IL15RA: variants seen among roughly 807,000 people sequenced by gnomAD.
IL15RA encodes the protein interleukin-15 receptor subunit alpha.
A neutral mutation model predicts 24.2 loss-of-function variants in IL15RA; 26 were observed. The observed-to-expected ratio is 1.07, with a 90% CI of 0.79 to 1.49. IL15RA has a LOEUF of 1.49. Ranked by LOEUF, IL15RA falls within the 40% of genes most tolerant of loss-of-function variation. The pLI is 0.00. For missense variants in IL15RA, 354 were observed against 356.4 expected (o/e 0.99, Z 0.05); for synonymous variants, 166 against 157.6 (o/e 1.05, Z -0.40).
rs984170957 is a variant in IL15RA, at chr10:5,958,941, C to G, written c.616+813G>C. 3.3e-5 allele frequency among the ~76,000 whole-genome samples: 5 copies of G among 152,224 alleles called. No homozygotes were observed. Among genetic ancestry groups the G allele is most frequent in the African/African-American group, 9.6e-5 (4 of 41,536 alleles). ...TCTTCTCATTACCTGCGTTCTTCCT[C>G]CCTGCCTGCTTCCCTTCTTCCTCCT... On this transcript the variant is annotated intron_variant, in intron 5 of 6. Transcript: ENST00000379977. This position sits in a 1 kb window ranked among gnomAD's most constrained non-coding sequence, Gnocchi z 4.3.
rs111336529 is a variant in IL15RA, at chr10:5,965,426, G to A, written c.283+719C>T. Among the ~76,000 whole-genome samples, 70 of 152,342 alleles carry A rather than the reference G, an allele frequency of 4.6e-4. No homozygotes were observed. Among genetic ancestry groups the A allele is most frequent in the African/African-American group, 1.7e-3 (69 of 41,580 alleles). On this transcript the variant is annotated intron_variant, in intron 2 of 6. Transcript: ENST00000379977. The surrounding 1 kb of genome is among the most constrained non-coding windows in gnomAD (Gnocchi z 5.8). ...TTCTCACACTAGCGTGCTCATGAGTGCCCGCCCAGCTCTGCAGCCAAATTC... is the reference window on the plus strand; with the variant it reads ...TTCTCACACTAGCGTGCTCATGAGTACCCGCCCAGCTCTGCAGCCAAATTC...
At position 5,964,050 on chromosome 10, in the gene IL15RA, G is replaced by T. The variant is rs1475434454; in HGVS notation, c.284-209C>A. Among the ~76,000 whole-genome samples the T allele has an allele frequency of 6.6e-6, 1 of 152,190 alleles. No individual in the cohort carries two copies. The highest frequency in any genetic ancestry group is 1.5e-5 in the Non-Finnish European group (1 of 68,036). ...ACTATTTTTCTTGCATTTCCAAAAA[G>T]ACTGCACAAGTTAAATATCAAATTT... On this transcript the variant is annotated intron_variant, in intron 2 of 6. Coordinates refer to ENST00000379977, the MANE Select transcript of IL15RA (RefSeq NM_002189.4). This position sits in a 1 kb window ranked among gnomAD's most constrained non-coding sequence, Gnocchi z 5.6.
rs1242664521 is a variant in IL15RA at position 5,963,673 on chromosome 10, A to G, written c.382+70T>C. The G allele has an allele frequency of 5.4e-6, 5 of 925,298 alleles. No individual in the cohort carries two copies. Among genetic ancestry groups the G allele is most frequent in the East Asian group, 6.2e-5 (2 of 32,360 alleles). 57.3% of individuals were successfully genotyped at this position (925,298 alleles called of 1,614,324 possible). A position where few individuals can be genotyped will look rare whatever the true frequency, so the allele number is the denominator to read the frequency against. On this transcript the variant is annotated intron_variant, in intron 3 of 6. Transcript: ENST00000379977. The surrounding 1 kb of genome is among the most constrained non-coding windows in gnomAD (Gnocchi z 5.3). ...ACACCACAGAGGTCCGTGAGTCTGC[A>G]GGATTGGTGAGCGGGCCTCTGGGTG...
Position 5,952,726 on chromosome 10 carries a change from A to ACAT in IL15RA, c.*368_*369insATG, listed in dbSNP as rs1833986626. ...TTTGGGTATGTCACTTTTCTCTGTGAACTGAAAGTTAGGATGAGGGACGGA... is the reference window on the plus strand; with the variant it reads ...TTTGGGTATGTCACTTTTCTCTGTGACATACTGAAAGTTAGGATGAGGGACGGA... On this transcript the variant is annotated 3_prime_UTR_variant, in exon 7 of 7. Coordinates refer to ENST00000379977, the MANE Select transcript of IL15RA (RefSeq NM_002189.4). The ACAT allele has an allele frequency of 3.7e-6, 1 of 267,220 alleles. No homozygotes were observed. Among genetic ancestry groups the ACAT allele is most frequent in the Non-Finnish European group, 7.1e-6 (1 of 140,542 alleles). The allele number at this position is 267,220 out of a possible 1,614,324, so 16.6% of individuals were successfully genotyped here.
rs1381659962 is a variant in IL15RA, at chr10:5,955,348, C to T, written c.692+1031G>A. Among the ~76,000 whole-genome samples, 1 of 152,142 alleles carries T rather than the reference C, an allele frequency of 6.6e-6. No homozygotes were observed. Among genetic ancestry groups the T allele is most frequent in the African/African-American group, 2.4e-5 (1 of 41,414 alleles). On this transcript the variant is annotated intron_variant, in intron 6 of 6. Transcript: ENST00000379977. The surrounding 1 kb of genome is among the most constrained non-coding windows in gnomAD (Gnocchi z 5.3). ...TCCTGACCTCACGCGATCTGCCTGCCTTGGCCTCCCGAAGTGCTGGGATTA... is the reference window on the plus strand; with the variant it reads ...TCCTGACCTCACGCGATCTGCCTGCTTTGGCCTCCCGAAGTGCTGGGATTA...
rs376917358 is a variant in IL15RA at position 5,953,423 on chromosome 10, C to A, written c.693-217G>T. 1.7e-5 allele frequency: 12 copies of A among 697,858 alleles called. No individual in the cohort carries two copies. In the East Asian group the frequency reaches 3.0e-4, roughly 17 times the overall value. The allele number at this position is 697,858 out of a possible 1,614,324, so 43.2% of individuals were successfully genotyped here. A position where few individuals can be genotyped will look rare whatever the true frequency, so the allele number is the denominator to read the frequency against. ...GAGTGTATTAAATCCTATCTAGGGG[C>A]CAGGTGTGGTGGCGCATGCCTGTAA... On this transcript the variant is annotated intron_variant, in intron 6 of 6. Transcript: ENST00000379977. The surrounding 1 kb of genome is among the most constrained non-coding windows in gnomAD (Gnocchi z 5.3).
rs547978995 is a variant in IL15RA at position 5,952,991 on chromosome 10, G to A, written c.*104C>T. 3.4e-5 allele frequency: 29 copies of A among 841,800 alleles called. No homozygotes were observed. In the African/African-American group the frequency reaches 4.1e-4, roughly 12 times the overall value. 52.1% of individuals were successfully genotyped at this position (841,800 alleles called of 1,614,324 possible). ...CTGGGACTTCTGAGAGGCCTGGTGA[G>A]CTTGCTCCTGGAGCCCGCTTCCTTG... On this transcript the variant is annotated 3_prime_UTR_variant, in exon 7 of 7. Transcript: ENST00000379977.
downstream of IL15RA, among the ~76,000 whole-genome samples, chr10:5,951,492 C>CTT (rs1370052019): frequency 6.6e-6 from 1 of 152,124 alleles, no homozygotes; most frequent in Non-Finnish European, 1.5e-5. Context: ...AGGACTGCTC[C>CTT]CCTCCCGCCC....
In IL15RA at chr10:5,960,239, C is replaced by T; in HGVS notation, c.583+128G>A. The T allele has an allele frequency of 1.1e-6, 1 of 886,068 alleles. No individual in the cohort carries two copies. Among genetic ancestry groups the T allele is most frequent in the Non-Finnish European group, 1.8e-6 (1 of 550,388 alleles). The allele number at this position is 886,068 out of a possible 1,614,324, so 54.9% of individuals were successfully genotyped here. On this transcript the variant is annotated intron_variant, in intron 4 of 6. Transcript: ENST00000379977. The surrounding 1 kb of genome is among the most constrained non-coding windows in gnomAD (Gnocchi z 5.1). ...AGGACGCCGTGGCTGGTGGCCGGGG[C>T]CAGCAGGCTGCCCAGTGAATCCTGA... is the stretch of plus-strand genomic sequence containing the variant.
intron 1 of IL15RA, among the ~76,000 whole-genome samples, chr10:5,972,462 C>T (rs760326179): frequency 6.6e-6 from 1 of 152,092 alleles, no homozygotes; most frequent in African/African-American, 2.4e-5. Flanking sequence ...GACAAGCTTT[C>T]GTAAAGTCAT....
chr10:5,956,417 C>T lies in IL15RA; in HGVS notation c.654G>A (p.Leu218=), dbSNP rs372279024. The part of the protein sequence containing the change: ...ISTSTVLLCG[L]SAVSLLACYL... ...AGCATGCCAGGAGAGACACAGCGCT[C>T]AGCCCACACAGCAGGACAGTGGACG... Residue 218 remains leucine, a synonymous_variant, in exon 6 of 7, where the codon CTG becomes CTA. Coordinates refer to ENST00000379977, the MANE Select transcript of IL15RA (RefSeq NM_002189.4). 145 of 1,613,994 alleles carry T rather than the reference C, an allele frequency of 9.0e-5. No individual in the cohort carries two copies. The highest frequency in any genetic ancestry group is 1.1e-4 in the Non-Finnish European group (135 of 1,179,982).
At chr10:5,977,727 C>T, upstream of IL15RA, 3 of 1,080,394 alleles carry the variant, frequency 2.8e-6, no homozygotes, top group Non-Finnish European at 3.5e-6. Flanking sequence ...CACAGCCACC[C>T]CTGTCCCCGG....
chr10:5,963,878 G>A lies in IL15RA; in HGVS notation c.284-37C>T. ...ATAACCACATGGCACTTATGATCCT[G>A]AGCCTGGAACCTGGGCTGGCTTCAG... On this transcript the variant is annotated intron_variant, in intron 2 of 6. Transcript: ENST00000379977. This position sits in a 1 kb window ranked among gnomAD's most constrained non-coding sequence, Gnocchi z 5.3. The A allele has an allele frequency of 7.2e-7, 1 of 1,384,434 alleles. No individual in the cohort carries two copies. Among genetic ancestry groups the A allele is most frequent in the Non-Finnish European group, 9.9e-7 (1 of 1,013,798 alleles). The allele number at this position is 1,384,434 out of a possible 1,614,324, so 85.8% of individuals were successfully genotyped here. A position where few individuals can be genotyped will look rare whatever the true frequency, so the allele number is the denominator to read the frequency against.
At chr10:5,974,929 A>G (rs8177641) in intron 1 of IL15RA, among the ~76,000 whole-genome samples, 47,517 of 151,598 alleles carry the variant, frequency 0.31, 7,675 homozygotes, top group African/African-American at 0.35. Flanking sequence ...AATAAAAATT[A>G]AAAATTAAAC....
intron 1 of IL15RA, among the ~76,000 whole-genome samples, chr10:5,976,263 G>A (rs1312399442): frequency 1.4e-5 from 2 of 144,014 alleles, no homozygotes; most frequent in African/African-American, 5.1e-5. Flanking sequence ...AAGAAGCCTC[G>A]CAGAGCTGGG....
chr10:5,959,630 C>T lies in IL15RA; in HGVS notation c.616+124G>A, dbSNP rs1257293102. ...TAACTTATTATCTGATGGAGGCCTT[C>T]TGAGTGTGGAAGGGGCTGCTGTCAG... On this transcript the variant is annotated intron_variant, in intron 5 of 6. Transcript: ENST00000379977. This position sits in a 1 kb window ranked among gnomAD's most constrained non-coding sequence, Gnocchi z 4.1. 1.3e-6 allele frequency: 1 copy of T among 794,300 alleles called. No individual in the cohort carries two copies. The highest frequency in any genetic ancestry group is 1.7e-5 in the African/African-American group (1 of 58,834). The allele number at this position is 794,300 out of a possible 1,614,324, so 49.2% of individuals were successfully genotyped here. A position where few individuals can be genotyped will look rare whatever the true frequency, so the allele number is the denominator to read the frequency against.
In IL15RA at chr10:5,952,731, A is replaced by C. The variant is rs2296135; in HGVS notation, c.*364T>G. 146,153 of 265,304 alleles carry C rather than the reference A, an allele frequency of 0.55. 42,050 individuals are homozygous for C. Among genetic ancestry groups the C allele is most frequent in the African/African-American group, 0.75 (33,796 of 44,852 alleles). 16.4% of individuals were successfully genotyped at this position (265,304 alleles called of 1,614,324 possible). The stretch of plus-strand genomic sequence containing the variant: ...GTATGTCACTTTTCTCTGTGAACTG[A>C]AAGTTAGGATGAGGGACGGAAGATT... On this transcript the variant is annotated 3_prime_UTR_variant, in exon 7 of 7. Transcript: ENST00000379977.
chr10:5,950,368 T>A (rs1833783479), downstream of IL15RA, among the ~76,000 whole-genome samples: 1 of 152,186 alleles, frequency 6.6e-6, no homozygotes, highest in South Asian at 2.1e-4. This position sits in a 1 kb window ranked among gnomAD's most constrained non-coding sequence, Gnocchi z 5.6. Context: ...GGTGCTCCCA[T>A]CACCCTTCAG....
downstream of IL15RA, among the ~76,000 whole-genome samples, chr10:5,951,202 G>C (rs1362511825): frequency 6.7e-6 from 1 of 148,668 alleles, no homozygotes; most frequent in Non-Finnish European, 1.5e-5. Flanking sequence ...GTGTGTGCCT[G>C]TGCCTGTAGT....
Sources: allele counts gnomAD v4.1 joint callset (sites outside exome capture counted in the v4.1 genomes callset), GRCh38; gene constraint gnomAD v4.1.1; non-coding constraint Gnocchi (gnomAD v3.1); transcripts MANE v1.5; gene names NCBI Gene and HGNC (gene_info 2026-07-23, HGNC 2026-07-21).